Variants in ITGAE observed in about 807,000 individuals in gnomAD.
The protein encoded by ITGAE is integrin subunit alpha E, also known as integrin alpha-E.
ITGAE carries 99 observed loss-of-function variants against 136.5 expected under a neutral mutation model. The ratio of observed to expected loss-of-function variants is 0.73; its 90% CI spans 0.62 to 0.86. The LOEUF is 0.86. ITGAE is among the 40% of genes least tolerant of loss of function. The probability of loss-of-function intolerance (pLI) is 0.00; values close to 1 mark genes in which losing one functional copy is unlikely to be tolerated. For missense variants in ITGAE, 1,447 were observed against 1,515.3 expected, an observed-to-expected ratio of 0.95 and a Z score of 0.75; for synonymous variants, 613 against 591.8, an observed-to-expected ratio of 1.04 and a Z score of -0.52.
chr17:3,741,906 G>A (rs192038042), intron 19 of ITGAE, among the ~76,000 whole-genome samples: 5 of 152,004 alleles, frequency 3.3e-5, no homozygotes, highest in African/African-American at 7.3e-5. Context: ...GTGAAACCCC[G>A]TCTCTACTAA....
At position 3,714,911 on chromosome 17, in the gene ITGAE, AGTT is replaced by A. The variant is rs2050914143; in HGVS notation, c.3473_3475del (p.Gln1158del). Reference sequence around the variant, plus strand: ...GGCCTTCCTGATGCTCTCCAAGTTCAGTTGTTGATATTTTCTTTTAAAAAAGCC... The same window carrying A: ...GGCCTTCCTGATGCTCTCCAAGTTCAGTTGATATTTTCTTTTAAAAAAGCC... On this transcript the variant is annotated inframe_deletion, in exon 31 of 31. Transcript: ENST00000263087. 1.9e-6 allele frequency: 3 copies of A among 1,609,340 alleles called. No individual in the cohort carries two copies. The highest frequency in any genetic ancestry group is 8.5e-7 in the Non-Finnish European group (1 of 1,178,190).
intron 1 of ITGAE, among the ~76,000 whole-genome samples, chr17:3,781,450 A>G (rs1257974875): frequency 1.3e-5 from 2 of 152,170 alleles, no homozygotes; most frequent in Non-Finnish European, 2.9e-5. Flanking sequence ...CCCGGGTTCA[A>G]GGGATTCTCC....
intron 22 of ITGAE, among the ~76,000 whole-genome samples, chr17:3,731,810 T>C (rs1335768958): frequency 1.3e-5 from 2 of 151,512 alleles, no homozygotes; most frequent in East Asian, 4.0e-4. Flanking sequence ...TGGTGGCTCA[T>C]GCCTGTCATC....
At chr17:3,752,766 AATGCTGGGCGAGGTGGCTT>A (rs1417943891) in intron 14 of ITGAE, among the ~76,000 whole-genome samples, 1 of 149,808 alleles carries the variant, frequency 6.7e-6, no homozygotes, top group Non-Finnish European at 1.5e-5. Context: ...AAAAAAAAAA[AATGCTGGGCGAGGTGGCTT>A]ACGCCTGTAA....
intron 26 of ITGAE, 198 bp from the exon 27 acceptor site, chr17:3,723,942 G>T: frequency 6.4e-7 from 1 of 1,552,808 alleles, no homozygotes; most frequent in South Asian, 1.2e-5. Flanking sequence ...GGCCATGGCG[G>T]CTTCGCTCCC....
rs1317904681 is a variant in ITGAE, at chr17:3,756,979, C to T, written c.1171+5G>A. 5 of 1,611,978 alleles carry T rather than the reference C, an allele frequency of 3.1e-6. No homozygotes were observed. Among genetic ancestry groups the T allele is most frequent in the Non-Finnish European group, 4.2e-6 (5 of 1,178,900 alleles). ...CTGCGGTGGCCTGGGTCCCGGAGCC[C>T]TCACCTTCCATGCTGATGATGTTGT... On this transcript the variant is annotated splice_donor_5th_base_variant and intron_variant, in intron 10 of 30. Coordinates refer to ENST00000263087, the MANE Select transcript of ITGAE (RefSeq NM_002208.5).
At chr17:3,717,059 C>A (rs2143005309) in intron 29 of ITGAE, 1 of 367,220 alleles carries the variant, frequency 2.7e-6, no homozygotes, top group Non-Finnish European at 5.0e-6. Flanking sequence ...GAGATTATGA[C>A]CTTCTGTTAA....
chr17:3,741,578 T>C (rs2051590222), intron 19 of ITGAE, among the ~76,000 whole-genome samples: 1 of 152,160 alleles, frequency 6.6e-6, no homozygotes, highest in African/African-American at 2.4e-5. Context: ...CTCTTTGCCA[T>C]AGCATAATAG....
chr17:3,739,956 A>G, intron 19 of ITGAE, 78 bp from the exon 20 acceptor site: 1 of 1,232,948 alleles, frequency 8.1e-7, no homozygotes. Context: ...TTCTCCTTAT[A>G]GGAAGTTTTG....
intron 1 of ITGAE, among the ~76,000 whole-genome samples, chr17:3,790,524 AC>A (rs34514427): frequency 0.017 from 2,636 of 151,928 alleles, 75 homozygotes; most frequent in African/African-American, 0.059. Context: ...ACACACACAC[AC>A]ACACACAAAA....
At chr17:3,786,103 C>G (rs2052790666) in intron 1 of ITGAE, among the ~76,000 whole-genome samples, 2 of 146,958 alleles carry the variant, frequency 1.4e-5, no homozygotes, top group South Asian at 4.3e-4. Context: ...GGAGGCGGAG[C>G]TTGCAGTGAG....
At chr17:3,752,481 C>T (rs972201051) in intron 14 of ITGAE, among the ~76,000 whole-genome samples, 2 of 152,150 alleles carry the variant, frequency 1.3e-5, no homozygotes, top group Admixed American at 6.6e-5. Context: ...ATCAGCTGGG[C>T]GCGGTGACTC....
chr17:3,752,046 A>G (rs112976004), intron 14 of ITGAE, among the ~76,000 whole-genome samples, 172 bp from the exon 15 acceptor site: 2,076 of 149,658 alleles, frequency 0.014, 37 homozygotes, highest in South Asian at 0.044. Context: ...ATGCACGCTC[A>G]CTGGGCCGGT....
At chr17:3,751,895 T>C in intron 14 of ITGAE, 21 bp from the exon 15 acceptor site, 1 of 1,603,944 alleles carries the variant, frequency 6.2e-7, no homozygotes, top group South Asian at 1.1e-5. Context: ...AACAAACAGC[T>C]CAGCCCTCAA....
chr17:3,723,784 A>G, intron 26 of ITGAE, 40 bp from the exon 27 acceptor site: 1 of 1,600,536 alleles, frequency 6.2e-7, no homozygotes, highest in South Asian at 1.1e-5. Context: ...TGAACAAACC[A>G]AGCCGCCAGT....
Position 3,763,949 on chromosome 17 carries a change from G to C in ITGAE, c.167C>G (p.Thr56Ser). 6.2e-7 allele frequency: 1 copy of C among 1,612,460 alleles called. No homozygotes were observed. The highest frequency in any genetic ancestry group is 1.3e-5 in the African/African-American group (1 of 74,978). Residue 56 changes from threonine (T) to serine (S), a missense_variant, in exon 3 of 31, where the codon ACC becomes AGC. This residue lies in a region of ITGAE where 106 missense variants were observed against 87.8 expected (regional missense o/e 1.21). Coordinates refer to ENST00000263087, the MANE Select transcript of ITGAE (RefSeq NM_002208.5). Reference protein sequence around the residue: ...PSTNQTWLLVTSPRTKRTPGP... With the variant: ...PSTNQTWLLVSSPRTKRTPGP... ...TGGTGTCCTCTTGGTTCTGGGGCTG[G>C]TGACCAGGAGCCTGAGTGGGAGGGG...
intron 5 of ITGAE, 90 bp downstream of exon 5, chr17:3,761,313 C>T (rs557839373): frequency 2.5e-4 from 382 of 1,545,758 alleles, no homozygotes; most frequent in Non-Finnish European, 3.2e-4. Context: ...GCCTGCGTCC[C>T]ACTGCATCTG....
At chr17:3,790,153 C>T (rs552219199) in intron 1 of ITGAE, among the ~76,000 whole-genome samples, 18 of 152,264 alleles carry the variant, frequency 1.2e-4, no homozygotes, top group African/African-American at 4.3e-4. Context: ...GGGACACCCA[C>T]ACTGCAGGTC....
At chr17:3,741,133 A>G (rs1463643358) in intron 19 of ITGAE, among the ~76,000 whole-genome samples, 1 of 129,192 alleles carries the variant, frequency 7.7e-6, no homozygotes, top group Non-Finnish European at 1.5e-5. Context: ...GCTGGAGTGC[A>G]GTGGCGCAAT....
Sources: allele counts gnomAD v4.1 joint callset (sites outside exome capture counted in the v4.1 genomes callset), GRCh38; gene constraint gnomAD v4.1.1; regional missense constraint gnomAD v4.1.1; transcripts MANE v1.5; gene names NCBI Gene and HGNC (gene_info 2026-07-23, HGNC 2026-07-21).